Variants in CYRIA observed in about 807,000 individuals in gnomAD.
CYRIA encodes CYFIP related Rac1 interactor A, also known as CYFIP-related Rac1 interactor A.
CYRIA carries 15 observed loss-of-function variants against 43.9 expected under a neutral mutation model. The observed-to-expected ratio is 0.34, with a 90% confidence interval of 0.23 to 0.53. The LOEUF (loss-of-function observed/expected upper bound fraction) is 0.53, where lower values mean the gene tolerates loss of function less well. Ranked by LOEUF, CYRIA falls within the 20% of genes least tolerant of loss-of-function variation. The pLI is 0.94. For missense variants in CYRIA, 236 were observed against 394.2 expected, an observed-to-expected ratio of 0.60 and a Z score of 3.40; for synonymous variants, 117 against 136.0, an observed-to-expected ratio of 0.86 and a Z score of 0.97.
intron 1 of CYRIA, among the ~76,000 whole-genome samples, chr2:16,629,611 G>A (rs1392236878): frequency 6.6e-6 from 1 of 152,236 alleles, no homozygotes; most frequent in African/African-American, 2.4e-5. Context: ...GCTCCTAGCA[G>A]CCCTAGAAAC....
intron 11 of CYRIA, among the ~76,000 whole-genome samples, chr2:16,553,578 G>A (rs958104247): frequency 1.3e-5 from 2 of 152,102 alleles, no homozygotes; most frequent in Non-Finnish European, 2.9e-5. Flanking sequence ...TCCATGTTAA[G>A]TTTCGTGTTA....
intron 2 of CYRIA, among the ~76,000 whole-genome samples, chr2:16,606,332 C>T (rs2103483764): frequency 6.6e-6 from 1 of 152,178 alleles, no homozygotes; most frequent in African/African-American, 2.4e-5. Flanking sequence ...CCATGTCTCC[C>T]TTAGATCCAT....
chr2:16,577,393 A>C (rs1289581578), intron 3 of CYRIA, among the ~76,000 whole-genome samples: 1 of 152,206 alleles, frequency 6.6e-6, no homozygotes. Context: ...TTTAAAAAGA[A>C]GTAAAATTCA....
Position 16,611,318 on chromosome 2 carries a change from T to C in CYRIA, c.-11+12546A>G, listed in dbSNP as rs1224269566. Reference sequence around the variant, plus strand: ...AGGTGGAGGTTGCAGTGAGCCGAGATTGCACCACTGCACTCCAGCCTGGTG... The same window carrying C: ...AGGTGGAGGTTGCAGTGAGCCGAGACTGCACCACTGCACTCCAGCCTGGTG... On this transcript the variant is annotated intron_variant, in intron 2 of 11. Transcript: ENST00000381323. Among the ~76,000 whole-genome samples the C allele has an allele frequency of 2.0e-5, 3 of 152,208 alleles. No individual in the cohort carries two copies. In the East Asian group the frequency reaches 5.8e-4, roughly 30 times the overall value.
At position 16,650,323 on chromosome 2, in the gene CYRIA, C is replaced by T. The variant is rs1000320827; in HGVS notation, c.-167+15457G>A. Among the ~76,000 whole-genome samples the T allele has an allele frequency of 6.6e-6, 1 of 152,110 alleles. No homozygotes were observed. The highest frequency in any genetic ancestry group is 1.5e-5 in the Non-Finnish European group (1 of 68,026). ...AGTGGTTAAGCAATGGCCCAGAAAT[C>T]AACCAAAAAGAGGAGCAAAGCTATA... On this transcript the variant is annotated intron_variant, in intron 1 of 11. Coordinates refer to ENST00000381323, the MANE Select transcript of CYRIA (RefSeq NM_030797.4). This position sits in a 1 kb window ranked among gnomAD's most constrained non-coding sequence, Gnocchi z 4.1.
At chr2:16,582,163 G>A (rs1435401054) in intron 3 of CYRIA, among the ~76,000 whole-genome samples, 1 of 152,104 alleles carries the variant, frequency 6.6e-6, no homozygotes, top group Non-Finnish European at 1.5e-5. Context: ...GTGAACTTAA[G>A]ATCAGTGCAT....
chr2:16,569,364 T>TAA, intron 3 of CYRIA, among the ~76,000 whole-genome samples: 1 of 152,354 alleles, frequency 6.6e-6, no homozygotes, highest in East Asian at 1.9e-4. Context: ...TCATGTGGTT[T>TAA]AGCAGTGGTG....
chr2:16,658,903 C>T (rs1218938614), intron 1 of CYRIA, among the ~76,000 whole-genome samples: 1 of 152,142 alleles, frequency 6.6e-6, no homozygotes, highest in Non-Finnish European at 1.5e-5. Flanking sequence ...GCAAGCTGTA[C>T]CAAGGAAGGG....
At chr2:16,590,159 C>T (rs1216887995) in intron 2 of CYRIA, among the ~76,000 whole-genome samples, 1 of 152,088 alleles carries the variant, frequency 6.6e-6, no homozygotes, top group Non-Finnish European at 1.5e-5. Context: ...TGTCATTCTT[C>T]CATTCCTTCC....
chr2:16,618,315 T>C (rs1335096680), intron 2 of CYRIA, among the ~76,000 whole-genome samples: 1 of 152,170 alleles, frequency 6.6e-6, no homozygotes, highest in Non-Finnish European at 1.5e-5. Context: ...ACAATCCTTT[T>C]GAATTTCTCC....
chr2:16,653,111 G>A (rs2103549883), intron 1 of CYRIA, among the ~76,000 whole-genome samples: 1 of 152,320 alleles, frequency 6.6e-6, no homozygotes. Context: ...GGCCTGTCCT[G>A]CATGGTGCAC....
At chr2:16,588,399 A>G (rs930121317) in intron 2 of CYRIA, among the ~76,000 whole-genome samples, 1 of 151,902 alleles carries the variant, frequency 6.6e-6, no homozygotes, top group African/African-American at 2.4e-5. Context: ...TCGAGAGAAT[A>G]CACCTGCAGT....
chr2:16,647,324 T>C (rs1359998018), intron 1 of CYRIA, among the ~76,000 whole-genome samples: 1 of 152,212 alleles, frequency 6.6e-6, no homozygotes. Flanking sequence ...AAATACTAGA[T>C]AATTAACAAA....
At position 16,550,268 on chromosome 2, in the gene CYRIA, GCA is replaced by G. The variant is rs139386835; in HGVS notation, c.*2666_*2667del. The G allele has an allele frequency of 4.1e-5, 6 of 146,518 alleles. No individual in the cohort carries two copies. Among genetic ancestry groups the G allele is most frequent in the East Asian group, 2.0e-4 (1 of 4,976 alleles). The allele number at this position is 146,518 out of a possible 1,614,324, so 9.1% of individuals were successfully genotyped here. On this transcript the variant is annotated 3_prime_UTR_variant, in exon 12 of 12. Coordinates refer to ENST00000381323, the MANE Select transcript of CYRIA (RefSeq NM_030797.4). Reference sequence around the variant, plus strand: ...TAAGTCTTGGACGCATGTGCATGCAGCACACACACACACACACAAAAACCAAA... The same window carrying G: ...TAAGTCTTGGACGCATGTGCATGCAGCACACACACACACACAAAAACCAAA...
intron 2 of CYRIA, among the ~76,000 whole-genome samples, chr2:16,590,544 G>C (rs78379477): frequency 6.6e-6 from 1 of 152,038 alleles, no homozygotes; most frequent in Non-Finnish European, 1.5e-5. Context: ...TACTGTCAGA[G>C]TACCTAAGTA....
At chr2:16,644,686 G>T (rs942104290) in intron 1 of CYRIA, among the ~76,000 whole-genome samples, 7 of 152,196 alleles carry the variant, frequency 4.6e-5, no homozygotes, top group Non-Finnish European at 1.5e-5. Flanking sequence ...GGCTCTAGAA[G>T]TAACTTCCTT....
intron 2 of CYRIA, among the ~76,000 whole-genome samples, chr2:16,591,032 T>C (rs1191191661): frequency 6.6e-6 from 1 of 152,160 alleles, no homozygotes; most frequent in Non-Finnish European, 1.5e-5. Flanking sequence ...CTCATCCATA[T>C]TCTGCATGAC....
intron 1 of CYRIA, among the ~76,000 whole-genome samples, chr2:16,649,067 A>AG (rs1303890450): frequency 3.3e-5 from 5 of 152,162 alleles, no homozygotes; most frequent in Admixed American, 6.5e-5. Context: ...GAAAATACTC[A>AG]GAAAAAAAAA....
intron 1 of CYRIA, among the ~76,000 whole-genome samples, chr2:16,624,799 C>G (rs1352066297): frequency 6.6e-6 from 1 of 152,192 alleles, no homozygotes; most frequent in East Asian, 1.9e-4. Context: ...AAATATCTGT[C>G]AGGCATACCA....
Sources: gnomAD v4.1 joint callset for allele counts (sites outside exome capture counted in the v4.1 genomes callset) on GRCh38, gnomAD v4.1.1 for gene constraint, Gnocchi (gnomAD v3.1) non-coding constraint, MANE v1.5 for transcripts, NCBI Gene and HGNC (gene_info 2026-07-23, HGNC 2026-07-21) for gene names.